The following PCED1B variants were observed in gnomAD, a reference collection of about 807,000 sequenced individuals.
The protein encoded by PCED1B is PC-esterase domain-containing protein 1B.
For synonymous variants in PCED1B, 251 were observed against 246.1 expected (o/e 1.02, Z -0.19); for missense variants, 573 against 573.9 (o/e 1.00, Z 0.02).
intron 2 of PCED1B, among the ~76,000 whole-genome samples, chr12:47,106,375 G>T (rs1239365901): frequency 6.6e-6 from 1 of 152,004 alleles, no homozygotes; most frequent in Non-Finnish European, 1.5e-5. Context: ...TTAACCTTGA[G>T]GTAATCTTTG....
intron 2 of PCED1B, among the ~76,000 whole-genome samples, chr12:47,164,382 G>C (rs1041126814): frequency 3.9e-5 from 6 of 152,148 alleles, no homozygotes; most frequent in African/African-American, 7.2e-5. Flanking sequence ...GGAAGAACAG[G>C]CCCTATACAA....
In PCED1B at chr12:47,222,114, A is replaced by T. The variant is rs1435938583; in HGVS notation, c.-58+5425A>T. Among the ~76,000 whole-genome samples, 544 of 77,576 alleles carry T rather than the reference A, an allele frequency of 7.0e-3. 10 individuals carry two copies. The highest frequency in any genetic ancestry group is 0.034 in the African/African-American group (510 of 14,920). The allele number at this position is 77,576 out of a possible 152,430, so 50.9% of individuals were successfully genotyped here. A position where few individuals can be genotyped will look rare whatever the true frequency, so the allele number is the denominator to read the frequency against. On this transcript the variant is annotated intron_variant, in intron 3 of 3. Transcript: ENST00000546455. Reference sequence around the variant, plus strand: ...TGAGACTCTATCTCTTAAAAAAAAAATTAAAAAAAAAAAAAAAAAAAACGC... The same window carrying T: ...TGAGACTCTATCTCTTAAAAAAAAATTTAAAAAAAAAAAAAAAAAAAACGC...
intron 1 of PCED1B, among the ~76,000 whole-genome samples, chr12:47,093,068 T>G (rs1475304107): frequency 6.6e-6 from 1 of 152,052 alleles, no homozygotes; most frequent in African/African-American, 2.4e-5. Context: ...AGACAGCTGT[T>G]AATTTTTCCT....
intron 2 of PCED1B, among the ~76,000 whole-genome samples, chr12:47,134,181 T>C (rs1470523920): frequency 6.6e-6 from 1 of 152,190 alleles, no homozygotes; most frequent in African/African-American, 2.4e-5. Context: ...TTCCATGACA[T>C]CATGGGCATT....
At chr12:47,202,059 A>G (rs758025733) in intron 2 of PCED1B, among the ~76,000 whole-genome samples, 1 of 152,242 alleles carries the variant, frequency 6.6e-6, no homozygotes, top group Non-Finnish European at 1.5e-5. Context: ...TTACAAATAT[A>G]CAGTTATCTA....
intron 2 of PCED1B, among the ~76,000 whole-genome samples, chr12:47,187,295 TA>T (rs1410491429): frequency 1.3e-5 from 2 of 152,106 alleles, no homozygotes; most frequent in African/African-American, 4.8e-5. Context: ...GGATCTTACC[TA>T]AAACCAAGAA....
intron 2 of PCED1B, chr12:47,135,647 C>T (rs544323023): frequency 2.0e-6 from 1 of 510,198 alleles, no homozygotes; most frequent in Non-Finnish European, 4.0e-6. Context: ...GACTTCCTGT[C>T]CTAGACTTCA....
Position 47,235,116 on chromosome 12 carries a change from T to C in PCED1B, c.53T>C (p.Val18Ala), listed in dbSNP as rs748248424. The C allele has an allele frequency of 6.5e-7, 1 of 1,532,806 alleles. No individual in the cohort carries two copies. The highest frequency in any genetic ancestry group is 8.8e-7 in the Non-Finnish European group (1 of 1,141,938). The allele number at this position is 1,532,806 out of a possible 1,614,324, so 95.0% of individuals were successfully genotyped here. The change falls in exon 4 of 4, where the codon GTG becomes GCG. Residue 18 changes from valine to alanine, a missense_variant. Transcript: ENST00000546455. ...EVRQLLHNKF[V>A]VILGDSVHRA... ...CGGCAGCTGCTTCACAATAAGTTCG[T>C]GGTCATCCTGGGGGACTCTGTGCAT... is the stretch of plus-strand genomic sequence containing the variant.
intron 3 of PCED1B, among the ~76,000 whole-genome samples, chr12:47,233,960 GT>G (rs1943889836): frequency 6.6e-6 from 1 of 151,484 alleles, no homozygotes; most frequent in African/African-American, 2.4e-5. Context: ...AAAGAAATCT[GT>G]TTTTAGGGGT....
At chr12:47,135,091 A>G (rs926334295) in intron 2 of PCED1B, among the ~76,000 whole-genome samples, 22 of 152,152 alleles carry the variant, frequency 1.4e-4, no homozygotes, top group Admixed American at 6.5e-5. Flanking sequence ...CTCTACTGAT[A>G]GGAATTGGTC....
intron 3 of PCED1B, among the ~76,000 whole-genome samples, chr12:47,233,371 C>T (rs1943871268): frequency 6.6e-6 from 1 of 151,778 alleles, no homozygotes; most frequent in Non-Finnish European, 1.5e-5. Context: ...TCGATCTGAC[C>T]TCGTGATCCA....
At chr12:47,082,891 T>C (rs1264658196) in intron 1 of PCED1B, among the ~76,000 whole-genome samples, 2 of 151,764 alleles carry the variant, frequency 1.3e-5, no homozygotes, top group Non-Finnish European at 2.9e-5. Flanking sequence ...GCGATAGATA[T>C]TCCTCTGGCC....
At chr12:47,165,981 C>A (rs1365088487) in intron 2 of PCED1B, among the ~76,000 whole-genome samples, 1 of 152,164 alleles carries the variant, frequency 6.6e-6, no homozygotes, top group Non-Finnish European at 1.5e-5. Flanking sequence ...GTTCTTTCCT[C>A]TCATCACAAA....
intron 2 of PCED1B, among the ~76,000 whole-genome samples, chr12:47,120,287 TAAAC>T (rs1254643277): frequency 6.6e-6 from 1 of 152,124 alleles, no homozygotes; most frequent in East Asian, 1.9e-4. Context: ...TTCAAGCAGT[TAAAC>T]AAGGAGTAAC....
At chr12:47,082,282 G>A (rs1240119141) in intron 1 of PCED1B, among the ~76,000 whole-genome samples, 1 of 152,098 alleles carries the variant, frequency 6.6e-6, no homozygotes, top group Non-Finnish European at 1.5e-5. Context: ...TTTGATAAAT[G>A]AACTGATGAA....
intron 1 of PCED1B, among the ~76,000 whole-genome samples, chr12:47,103,260 GGA>G (rs1353127138): frequency 1.3e-5 from 2 of 152,264 alleles, no homozygotes; most frequent in East Asian, 3.9e-4. Context: ...ATCTGTGTGG[GGA>G]GACTTTCAAG....
At chr12:47,132,524 A>T (rs1940175310) in intron 2 of PCED1B, among the ~76,000 whole-genome samples, 1 of 152,192 alleles carries the variant, frequency 6.6e-6, no homozygotes, top group African/African-American at 2.4e-5. Context: ...AAAGCAATCC[A>T]TCTCACCCAG....
intron 2 of PCED1B, among the ~76,000 whole-genome samples, chr12:47,104,481 G>T (rs145900084): frequency 1.3e-3 from 192 of 152,312 alleles, no homozygotes; most frequent in African/African-American, 4.5e-3. Flanking sequence ...GCTCTGTAAT[G>T]TGTTAATTAT....
chr12:47,129,756 A>G (rs2137348611), intron 2 of PCED1B, among the ~76,000 whole-genome samples: 1 of 152,318 alleles, frequency 6.6e-6, no homozygotes, highest in East Asian at 1.9e-4. Context: ...ATCACAAGGT[A>G]CAAAGGATGG....
Sources: allele counts gnomAD v4.1 joint callset (sites outside exome capture counted in the v4.1 genomes callset), GRCh38; gene constraint gnomAD v4.1.1; transcripts MANE v1.5; gene names NCBI Gene and HGNC (gene_info 2026-07-23, HGNC 2026-07-21).